WWC1: variants seen among roughly 807,000 people sequenced by gnomAD.
WWC1 encodes the protein protein KIBRA.
In WWC1, 55 loss-of-function variants were observed where a neutral mutation model predicts 138.4. The ratio of observed to expected loss-of-function variants is 0.40; its 90% CI spans 0.32 to 0.50. The LOEUF is 0.50. Among genes scored for constraint, WWC1 ranks in the 20% least tolerant of loss-of-function variants. The probability of loss-of-function intolerance (pLI) is 0.72; values close to 1 mark genes in which losing one functional copy is unlikely to be tolerated. For missense variants in WWC1, 1,226 were observed against 1,420.4 expected, an observed-to-expected ratio of 0.86 and a Z score of 2.20; for synonymous variants, 524 against 564.9, an observed-to-expected ratio of 0.93 and a Z score of 1.03.
chr5:168,435,935 C>T (rs532210920), intron 15 of WWC1, among the ~76,000 whole-genome samples: 77 of 152,004 alleles, frequency 5.1e-4, no homozygotes, highest in Non-Finnish European at 7.5e-4. Context: ...CTCCGCTTCC[C>T]GGGTCCAAAC....
At chr5:168,333,343 C>T (rs1328497066) in intron 1 of WWC1, among the ~76,000 whole-genome samples, 2 of 152,190 alleles carry the variant, frequency 1.3e-5, no homozygotes, top group Non-Finnish European at 1.5e-5. Context: ...CTTTTCCCTT[C>T]GGGAGCTGGG....
At chr5:168,324,137 T>C (rs1442766129) in intron 1 of WWC1, among the ~76,000 whole-genome samples, 1 of 152,234 alleles carries the variant, frequency 6.6e-6, no homozygotes, top group Non-Finnish European at 1.5e-5. Context: ...TAAGAAATGT[T>C]AAAGGAAATT....
chr5:168,451,077 ACTGCAATCTCG>A (rs1755768318), intron 17 of WWC1, among the ~76,000 whole-genome samples: 1 of 74,456 alleles, frequency 1.3e-5, no homozygotes, highest in Non-Finnish European at 4.2e-5. Context: ...ATCTCGGCTC[ACTGCAATCTCG>A]GCTCACTGCA....
chr5:168,453,892 C>T lies in WWC1; in HGVS notation c.2526-76C>T, dbSNP rs1168899112. The T allele has an allele frequency of 2.5e-6, 4 of 1,591,156 alleles. No homozygotes were observed. In the African/African-American group the frequency reaches 4.1e-5, roughly 16 times the overall value. On this transcript the variant is annotated intron_variant, in intron 17 of 22. Transcript: ENST00000265293. ...TCATCAAAAGGATTGGAAGCCCTACCTTGGGTGTATTAAAGGCAGGTGAAC... is the reference window on the plus strand; with the variant it reads ...TCATCAAAAGGATTGGAAGCCCTACTTTGGGTGTATTAAAGGCAGGTGAAC...
In WWC1 at chr5:168,291,991, C is replaced by A; in HGVS notation, c.-162C>A. The A allele has an allele frequency of 1.3e-6, 1 of 750,534 alleles. No individual in the cohort carries two copies. Among genetic ancestry groups the A allele is most frequent in the Non-Finnish European group, 1.9e-6 (1 of 535,110 alleles). The allele number at this position is 750,534 out of a possible 1,614,324, so 46.5% of individuals were successfully genotyped here. A position where few individuals can be genotyped will look rare whatever the true frequency, so the allele number is the denominator to read the frequency against. On this transcript the variant is annotated 5_prime_UTR_variant, in exon 1 of 23. Coordinates refer to ENST00000265293, the MANE Select transcript of WWC1 (RefSeq NM_015238.3). ...GGCTGCAGGGCCGCATGGACAGCGGCGCCACCCCGGCCGGCCCCTACTAGG... is the reference window on the plus strand; with the variant it reads ...GGCTGCAGGGCCGCATGGACAGCGGAGCCACCCCGGCCGGCCCCTACTAGG...
At chr5:168,434,307 T>G (rs907860980) in intron 15 of WWC1, among the ~76,000 whole-genome samples, 3 of 152,068 alleles carry the variant, frequency 2.0e-5, no homozygotes, top group African/African-American at 7.2e-5. Context: ...GGTGGGGACA[T>G]GGAGTGTCAG....
At position 168,326,216 on chromosome 5, in the gene WWC1, C is replaced by CTTTTTTTTTTTTTTTTT. The variant is rs796347858; in HGVS notation, c.119+33947_119+33963dup. On this transcript the variant is annotated intron_variant, in intron 1 of 22. Coordinates refer to ENST00000265293, the MANE Select transcript of WWC1 (RefSeq NM_015238.3). ...TGGCTCAGGACACCGACCTGATAGTCTTTTTTTTTTTTTTTTTTGGGACGG... is the reference window on the plus strand; with the variant it reads ...TGGCTCAGGACACCGACCTGATAGTCTTTTTTTTTTTTTTTTTTTTTTTTTTTTTTTTTTTGGGACGG... Among the ~76,000 whole-genome samples the CTTTTTTTTTTTTTTTTT allele has an allele frequency of 6.2e-5, 7 of 113,286 alleles. 1 individual carries two copies. Among genetic ancestry groups the CTTTTTTTTTTTTTTTTT allele is most frequent in the Admixed American group, 1.9e-4 (2 of 10,326 alleles). The allele number at this position is 113,286 out of a possible 152,430, so 74.3% of individuals were successfully genotyped here. A position where few individuals can be genotyped will look rare whatever the true frequency, so the allele number is the denominator to read the frequency against.
At chr5:168,385,171 T>G in intron 2 of WWC1, 40 bp from the exon 3 acceptor site, 1 of 1,608,508 alleles carries the variant, frequency 6.2e-7, no homozygotes, top group South Asian at 1.1e-5. Context: ...CAACAGATAT[T>G]TGTGAGATGC....
intron 1 of WWC1, among the ~76,000 whole-genome samples, chr5:168,344,746 G>A (rs1774332516): frequency 6.6e-6 from 1 of 152,124 alleles, no homozygotes; most frequent in Admixed American, 6.5e-5. Context: ...ATATTCCAAG[G>A]GGAGGTTTTA....
At chr5:168,360,185 G>T (rs1344980050) in intron 1 of WWC1, among the ~76,000 whole-genome samples, 1 of 152,190 alleles carries the variant, frequency 6.6e-6, no homozygotes, top group East Asian at 1.9e-4. Flanking sequence ...AGCTCCATCA[G>T]GACTGCAGCC....
chr5:168,446,457 A>G (rs2152876604), intron 17 of WWC1, among the ~76,000 whole-genome samples: 1 of 152,276 alleles, frequency 6.6e-6, no homozygotes, highest in East Asian at 1.9e-4. Context: ...CGAGGGTTTG[A>G]AACTTGGATT....
chr5:168,409,100 A>T (rs1046296507), intron 7 of WWC1, among the ~76,000 whole-genome samples: 3 of 152,178 alleles, frequency 2.0e-5, no homozygotes, highest in South Asian at 2.1e-4. Flanking sequence ...TCCCAGTTCC[A>T]AAGCTCAGTC....
At position 168,444,592 on chromosome 5, in the gene WWC1, G is replaced by A. The variant is rs1755071050; in HGVS notation, c.2525+7G>A. On this transcript the variant is annotated splice_region_variant and intron_variant, in intron 17 of 22. Coordinates refer to ENST00000265293, the MANE Select transcript of WWC1 (RefSeq NM_015238.3). ...AGACACTGGAAGACAGCTGGTGAGT[G>A]AGCCCGCCCTTGGGCCCCAGGAGCT... 1 of 1,613,200 alleles carries A rather than the reference G, an allele frequency of 6.2e-7. No homozygotes were observed. Among genetic ancestry groups the A allele is most frequent in the Non-Finnish European group, 8.5e-7 (1 of 1,179,876 alleles).
At chr5:168,373,719 TAAAAAAAAAAAAAA>T (rs368930085) in intron 2 of WWC1, among the ~76,000 whole-genome samples, 19 of 52,644 alleles carry the variant, frequency 3.6e-4, no homozygotes, top group Non-Finnish European at 4.2e-4. Context: ...CCTTGTCTCT[TAAAAAAAAAAAAAA>T]AAAAAAAAAA....
At chr5:168,413,320 G>GT (rs1356298300) in intron 8 of WWC1, among the ~76,000 whole-genome samples, 3 of 152,198 alleles carry the variant, frequency 2.0e-5, no homozygotes, top group Non-Finnish European at 4.4e-5. Context: ...TGTCATGATT[G>GT]TTGTTAGCTA....
chr5:168,341,978 C>T (rs971644362), intron 1 of WWC1, among the ~76,000 whole-genome samples: 1 of 152,154 alleles, frequency 6.6e-6, no homozygotes, highest in Non-Finnish European at 1.5e-5. Context: ...CAGTGGACTT[C>T]GGTACCCAGA....
intron 1 of WWC1, among the ~76,000 whole-genome samples, chr5:168,307,140 C>G (rs971333886): frequency 3.3e-5 from 5 of 152,350 alleles, no homozygotes; most frequent in Admixed American, 6.5e-5. Flanking sequence ...GTTTAATTCT[C>G]ATAGCAACCC....
intron 1 of WWC1, among the ~76,000 whole-genome samples, chr5:168,364,826 ATC>A (rs763732471): frequency 2.0e-5 from 3 of 152,082 alleles, no homozygotes; most frequent in Non-Finnish European, 4.4e-5. Context: ...AATAGCATGG[ATC>A]TCTCTGAAAT....
chr5:168,391,563 G>A (rs1244915857), intron 3 of WWC1, among the ~76,000 whole-genome samples: 1 of 150,360 alleles, frequency 6.7e-6, no homozygotes, highest in Admixed American at 6.7e-5. Context: ...GGAGGCTGAG[G>A]CAGGAGAATA....
Sources: gnomAD v4.1 joint callset for allele counts (sites outside exome capture counted in the v4.1 genomes callset) on GRCh38, gnomAD v4.1.1 for gene constraint, MANE v1.5 for transcripts, NCBI Gene and HGNC (gene_info 2026-07-23, HGNC 2026-07-21) for gene names.